ZNF521: variants seen among roughly 807,000 people sequenced by gnomAD.
ZNF521 encodes zinc finger protein 521.
ZNF521 carries 14 observed loss-of-function variants against 105.5 expected under a neutral mutation model. That is an observed-to-expected ratio of 0.13 (90% CI 0.09 to 0.21). The LOEUF (loss-of-function observed/expected upper bound fraction) is 0.21, where lower values mean the gene tolerates loss of function less well. ZNF521 is among the 10% of genes least tolerant of loss of function. The probability of loss-of-function intolerance (pLI) is 1.00; values close to 1 mark genes in which losing one functional copy is unlikely to be tolerated. For synonymous variants in ZNF521, 635 were observed against 606.0 expected (o/e 1.05, Z -0.70); for missense variants, 1,233 against 1,629.7 (o/e 0.76, Z 4.19).
intron 5 of ZNF521, among the ~76,000 whole-genome samples, chr18:25,132,306 T>C (rs1294157724): frequency 1.3e-5 from 2 of 152,188 alleles, no homozygotes; most frequent in African/African-American, 4.8e-5. Context: ...CTTCTAACTT[T>C]TTCCATTTCC....
At chr18:25,244,282 G>GCGCA (rs1907549417) in intron 3 of ZNF521, among the ~76,000 whole-genome samples, 4 of 147,438 alleles carry the variant, frequency 2.7e-5, no homozygotes, top group African/African-American at 9.9e-5. Flanking sequence ...GTATGCATGT[G>GCGCA]CACACACACA....
At chr18:25,202,241 G>T (rs953241398) in intron 4 of ZNF521, 5 of 151,988 alleles carry the variant, frequency 3.3e-5, no homozygotes, top group Non-Finnish European at 7.4e-5. Context: ...TGTGGATTTC[G>T]CATCTGCAAT....
intron 2 of ZNF521, among the ~76,000 whole-genome samples, chr18:25,331,190 C>G (rs971607442): frequency 6.6e-6 from 1 of 152,114 alleles, no homozygotes; most frequent in African/African-American, 2.4e-5. Flanking sequence ...GTTCCATGCT[C>G]AATCTTAAAC....
chr18:25,341,318 T>C (rs1914189279), intron 2 of ZNF521, among the ~76,000 whole-genome samples: 1 of 152,220 alleles, frequency 6.6e-6, no homozygotes, highest in South Asian at 2.1e-4. Flanking sequence ...CTCAATTTTG[T>C]ATAGCAGGGA....
intron 3 of ZNF521, among the ~76,000 whole-genome samples, chr18:25,273,220 CAAAAAAAAAAAAA>C (rs67381140): frequency 0.01 from 413 of 40,914 alleles, 2 homozygotes; most frequent in South Asian, 0.028. Context: ...ACCCTGTCTC[CAAAAAAAAAAAAA>C]AAAAAAAAAA....
chr18:25,101,666 A>C (rs2144258902), intron 5 of ZNF521, among the ~76,000 whole-genome samples: 1 of 152,302 alleles, frequency 6.6e-6, no homozygotes. Flanking sequence ...AAGGGCAGCA[A>C]ATCAAGGACT....
chr18:25,135,279 CGTGTGTGTGTGTGT>C (rs35980671), intron 5 of ZNF521, among the ~76,000 whole-genome samples: 16 of 146,112 alleles, frequency 1.1e-4, no homozygotes, highest in African/African-American at 4.1e-4. Context: ...TATATGTATA[CGTGTGTGTGTGTGT>C]GTGTGTGTGT....
At chr18:25,335,147 G>A (rs767800305) in intron 2 of ZNF521, among the ~76,000 whole-genome samples, 13 of 152,166 alleles carry the variant, frequency 8.5e-5, no homozygotes, top group Non-Finnish European at 1.8e-4. Context: ...TCAGAGCAGT[G>A]AGCCTGTAAT....
At chr18:25,117,054 T>TACAC (rs71167848) in intron 5 of ZNF521, among the ~76,000 whole-genome samples, 17,219 of 64,522 alleles carry the variant, frequency 0.27, 1,154 homozygotes, top group Middle Eastern at 0.42. Context: ...CACATATATA[T>TACAC]ACACACACAC....
intron 4 of ZNF521, among the ~76,000 whole-genome samples, chr18:25,206,868 T>G (rs1342481588): frequency 6.6e-6 from 1 of 152,090 alleles, no homozygotes. Context: ...GGTGCTGACT[T>G]TATTATTCCT....
intron 3 of ZNF521, among the ~76,000 whole-genome samples, chr18:25,316,491 A>G (rs1912628307): frequency 6.6e-6 from 1 of 151,932 alleles, no homozygotes. Flanking sequence ...GGAAGCCAAC[A>G]CTGGAACTGT....
chr18:25,127,728 C>T (rs553162916), intron 5 of ZNF521, among the ~76,000 whole-genome samples: 7 of 151,826 alleles, frequency 4.6e-5, no homozygotes, highest in South Asian at 2.1e-4. Context: ...AGAGCATGCA[C>T]GGACTGTTTT....
chr18:25,107,030 C>T (rs889523131), intron 5 of ZNF521, among the ~76,000 whole-genome samples: 5 of 152,158 alleles, frequency 3.3e-5, no homozygotes, highest in African/African-American at 9.7e-5. Flanking sequence ...TCTTCCCATG[C>T]GACATGGTGG....
intron 4 of ZNF521, among the ~76,000 whole-genome samples, chr18:25,212,435 G>A (rs1281042041): frequency 7.2e-5 from 10 of 139,582 alleles, no homozygotes; most frequent in South Asian, 2.4e-4. Context: ...ACTTGAACCC[G>A]GTAGGTGGAC....
chr18:25,264,875 C>A (rs2144911062), intron 3 of ZNF521, among the ~76,000 whole-genome samples: 1 of 151,704 alleles, frequency 6.6e-6, no homozygotes, highest in Non-Finnish European at 1.5e-5. Context: ...AATGTGGACA[C>A]CATGAAAAGG....
At chr18:25,211,420 A>G (rs2036176913) in intron 4 of ZNF521, among the ~76,000 whole-genome samples, 1 of 152,204 alleles carries the variant, frequency 6.6e-6, no homozygotes, top group African/African-American at 2.4e-5. Flanking sequence ...ACTCCTGCAC[A>G]GCCTCCTATG....
At chr18:25,219,821 C>T (rs947839698) in intron 4 of ZNF521, among the ~76,000 whole-genome samples, 7 of 152,006 alleles carry the variant, frequency 4.6e-5, no homozygotes, top group African/African-American at 1.7e-4. Flanking sequence ...TGTCTGAAAT[C>T]AATAAATAAT....
intron 5 of ZNF521, among the ~76,000 whole-genome samples, chr18:25,179,116 CTTTTTTTTTT>C (rs1175859497): frequency 1.1e-4 from 6 of 52,482 alleles, no homozygotes; most frequent in African/African-American, 3.0e-4. Flanking sequence ...TTCTTTATTC[CTTTTTTTTTT>C]TTTTTTTTTT....
At chr18:25,110,016 A>G (rs1032091067) in intron 5 of ZNF521, among the ~76,000 whole-genome samples, 2 of 152,160 alleles carry the variant, frequency 1.3e-5, no homozygotes, top group Admixed American at 1.3e-4. Context: ...CTTCTTCTAT[A>G]TTCTTCCTCT....
Sources: gnomAD v4.1 joint callset for allele counts (sites outside exome capture counted in the v4.1 genomes callset) on GRCh38, gnomAD v4.1.1 for gene constraint, MANE v1.5 for transcripts, NCBI Gene and HGNC (gene_info 2026-07-23, HGNC 2026-07-21) for gene names.